Variants in ZNF106 observed in about 807,000 individuals in gnomAD.
The protein encoded by ZNF106 is SH3-domain binding protein 3.
Under a neutral mutation model 195.1 loss-of-function variants are expected in ZNF106, and 67 were observed. The observed-to-expected ratio is 0.34, with a 90% CI of 0.28 to 0.42. The LOEUF is 0.42. Ranked by LOEUF, ZNF106 falls within the 10% of genes least tolerant of loss-of-function variation. The pLI is 1.00. For synonymous variants in ZNF106, 784 were observed against 818.6 expected (o/e 0.96, Z 0.72); for missense variants, 2,118 against 2,304.5 (o/e 0.92, Z 1.66).
chr15:42,427,936 C>A, intron 15 of ZNF106, 82 bp downstream of exon 15: 1 of 1,178,078 alleles, frequency 8.5e-7, no homozygotes, highest in Admixed American at 1.8e-5. Flanking sequence ...TAGGAAAATC[C>A]CTGCCTGCTA....
intron 1 of ZNF106, among the ~76,000 whole-genome samples, chr15:42,489,707 T>C (rs1437737337): frequency 6.6e-6 from 1 of 152,178 alleles, no homozygotes; most frequent in East Asian, 1.9e-4. Context: ...TCCCATGCTA[T>C]TTACAACAGT....
At chr15:42,461,937 G>A (rs1243135504) in intron 3 of ZNF106, among the ~76,000 whole-genome samples, 2 of 152,140 alleles carry the variant, frequency 1.3e-5, no homozygotes, top group Non-Finnish European at 2.9e-5. Context: ...GAGATTTTAT[G>A]GGGTTTTCTA....
At chr15:42,448,818 G>T in intron 5 of ZNF106, 113 bp from the exon 6 acceptor site, 1 of 1,120,520 alleles carries the variant, frequency 8.9e-7, no homozygotes, top group Non-Finnish European at 1.2e-6. Context: ...AAGTAAGGTG[G>T]CTCTTGCCTT....
Position 42,448,108 on chromosome 15 carries a change from A to G in ZNF106, c.3099T>C (p.Asp1033=). ...SSCTSGAEQN[D]GQSIRKKRRA... Reference sequence around the variant, plus strand: ...TTCGTTTCTTTCTAATACTTTGGCCATCATTTTGTTCAGCACCAGAGGTAC... The same window carrying G: ...TTCGTTTCTTTCTAATACTTTGGCCGTCATTTTGTTCAGCACCAGAGGTAC... The change falls in exon 6 of 22, where the codon GAT becomes GAC. Residue 1033 remains aspartate, a synonymous_variant. Transcript: ENST00000564754. The G allele has an allele frequency of 6.2e-7, 1 of 1,613,818 alleles. No individual in the cohort carries two copies. The highest frequency in any genetic ancestry group is 1.7e-5 in the Admixed American group (1 of 60,000).
rs377642523 is a variant in ZNF106, at chr15:42,448,398, C to G, written c.2809G>C (p.Val937Leu). Residue 937 changes from valine to leucine, a missense_variant, in exon 6 of 22, where the codon GTG (valine) becomes CTG (leucine). Coordinates refer to ENST00000564754, the MANE Select transcript of ZNF106 (RefSeq NM_001366845.3). ...CGGAGGGAGGCAGCCCGAGGTGTCA[C>G]TTCTTGTTTGAGGTGCATGGTTGCT... ...QKATMHLKQE[V>L]TPRAASLRTG... The G allele has an allele frequency of 5.1e-5, 83 of 1,614,032 alleles. No individual in the cohort carries two copies. In the East Asian group the frequency reaches 1.7e-3, roughly 33 times the overall value.
At chr15:42,486,242 G>A (rs538259070) in intron 1 of ZNF106, among the ~76,000 whole-genome samples, 21 of 151,954 alleles carry the variant, frequency 1.4e-4, no homozygotes, top group Non-Finnish European at 2.2e-4. Context: ...ACAGGCGTGA[G>A]CCACCGCGCC....
chr15:42,434,957 G>T (rs12900303), intron 14 of ZNF106, among the ~76,000 whole-genome samples: 2 of 151,990 alleles, frequency 1.3e-5, no homozygotes, highest in African/African-American at 4.8e-5. Context: ...ATTTTTAGTA[G>T]AGACAGGGTT....
At chr15:42,425,102 C>CA in intron 15 of ZNF106, 77 bp from the exon 16 acceptor site, 2 of 1,418,070 alleles carry the variant, frequency 1.4e-6, no homozygotes, top group Non-Finnish European at 2.0e-6. Flanking sequence ...TACCTTGGTA[C>CA]AAACTCATTT....
intron 6 of ZNF106, among the ~76,000 whole-genome samples, 164 bp downstream of exon 6, chr15:42,447,908 C>T (rs1449156235): frequency 6.6e-6 from 1 of 152,136 alleles, no homozygotes; most frequent in African/African-American, 2.4e-5. Flanking sequence ...CAGAATTACT[C>T]AGTGTAAGAA....
Position 42,422,608 on chromosome 15 carries a change from C to G in ZNF106, c.5266G>C (p.Val1756Leu), listed in dbSNP as rs377219331. 28 of 1,611,274 alleles carry G rather than the reference C, an allele frequency of 1.7e-5. No homozygotes were observed. Among genetic ancestry groups the G allele is most frequent in the Non-Finnish European group, 1.9e-5 (22 of 1,179,298 alleles). The change falls in exon 18 of 22, where the codon GTG (valine) becomes CTG (leucine). Residue 1756 changes from valine to leucine, a missense_variant. Val to Leu is a conservative substitution (Grantham distance 32, BLOSUM62 1). Coordinates refer to ENST00000564754, the MANE Select transcript of ZNF106 (RefSeq NM_001366845.3). ...TGATTGTGACCTTTATAGATCCGCA[C>G]GAGCTCACCAGTCTATGTCAGAAGA... ...HAHNIHTGEL[V>L]RIYKGHNHAV...
At chr15:42,469,645 C>T (rs2056616805) in intron 2 of ZNF106, among the ~76,000 whole-genome samples, 1 of 151,830 alleles carries the variant, frequency 6.6e-6, no homozygotes, top group Non-Finnish European at 1.5e-5. Flanking sequence ...AGTTCAAGAT[C>T]AGTGTGGGCA....
intron 1 of ZNF106, among the ~76,000 whole-genome samples, chr15:42,477,149 TTTTC>T (rs548576362): frequency 4.1e-4 from 62 of 152,288 alleles, no homozygotes; most frequent in African/African-American, 1.4e-3. Context: ...GTTTTGTCTA[TTTTC>T]TTTTTCTATT....
Position 42,450,708 on chromosome 15 carries a change from G to T in ZNF106, c.1564C>A (p.His522Asn). ...PSNKPTVEDN[H>N]GPYISKLRSS... ...CGCAGTTTGGATATGTAAGGACCAT[G>T]GTTATCTTCCACAGTGGGCTTGTTC... Residue 522 changes from histidine to asparagine, a missense_variant, in exon 5 of 22, where the codon CAT becomes AAT. Coordinates refer to ENST00000564754, the MANE Select transcript of ZNF106 (RefSeq NM_001366845.3). 1.9e-6 allele frequency: 3 copies of T among 1,614,138 alleles called. No individual in the cohort carries two copies. Among genetic ancestry groups the T allele is most frequent in the Non-Finnish European group, 2.5e-6 (3 of 1,180,024 alleles).
At chr15:42,428,634 T>C (rs911110617) in intron 14 of ZNF106, among the ~76,000 whole-genome samples, 1 of 152,206 alleles carries the variant, frequency 6.6e-6, no homozygotes, top group Non-Finnish European at 1.5e-5. Context: ...TTAAAATACA[T>C]AGAACCCAAG....
chr15:42,452,095 G>T, intron 4 of ZNF106, 141 bp from the exon 5 acceptor site: 3 of 798,400 alleles, frequency 3.8e-6, no homozygotes, highest in African/African-American at 1.7e-5. Flanking sequence ...TCTAATAGTG[G>T]TTGTTTTCAT....
intron 16 of ZNF106, 173 bp from the exon 17 acceptor site, chr15:42,424,233 C>T (rs1364116934): frequency 1.7e-6 from 1 of 582,334 alleles, no homozygotes; most frequent in East Asian, 2.8e-5. Flanking sequence ...CACCCCCCTA[C>T]CAAGCATGCT....
Position 42,426,112 on chromosome 15 carries a change from C to T in ZNF106, c.4999-1087G>A, listed in dbSNP as rs77798513. 1.2e-4 allele frequency among the ~76,000 whole-genome samples: 19 copies of T among 152,260 alleles called. No individual in the cohort carries two copies. The East Asian group carries it at 3.7e-3, about 29-fold the overall frequency. ...AGTGTTGAAGTGCTAGGGAGACAGA[C>T]TGAAAGGAGGTCAGGACCCAAAGGT... On this transcript the variant is annotated intron_variant, in intron 15 of 21. Coordinates refer to ENST00000564754, the MANE Select transcript of ZNF106 (RefSeq NM_001366845.3).
chr15:42,449,849 G>C lies in ZNF106; in HGVS notation c.2423C>G (p.Ser808Cys). Reference sequence around the variant, plus strand: ...CTGTTCCCAGTTGACATTTCTCCGAGATGCATTTAGAATCTGCCGTAGGGT... The same window carrying C: ...CTGTTCCCAGTTGACATTTCTCCGACATGCATTTAGAATCTGCCGTAGGGT... ...KPTLRQILNA[S>C]RRNVNWEQVI... Residue 808 changes from serine to cysteine, a missense_variant, in exon 5 of 22, where the codon TCT becomes TGT. Physicochemically the swap from Ser to Cys is moderately radical, Grantham distance 112. Transcript: ENST00000564754. 6.2e-7 allele frequency: 1 copy of C among 1,614,156 alleles called. No homozygotes were observed. Among genetic ancestry groups the C allele is most frequent in the Non-Finnish European group, 8.5e-7 (1 of 1,180,010 alleles).
chr15:42,472,057 C>T (rs558973685), intron 2 of ZNF106, among the ~76,000 whole-genome samples, 179 bp downstream of exon 2: 212 of 151,532 alleles, frequency 1.4e-3, no homozygotes, highest in South Asian at 3.5e-3. Context: ...GAGGCAGTAA[C>T]GAGAAAGAAA....
Sources: allele counts gnomAD v4.1 joint callset (sites outside exome capture counted in the v4.1 genomes callset), GRCh38; gene constraint gnomAD v4.1.1; transcripts MANE v1.5; gene names NCBI Gene and HGNC (gene_info 2026-07-23, HGNC 2026-07-21).